Variants in TCERG1L observed in about 807,000 individuals in gnomAD.
TCERG1L encodes the protein transcription elongation regulator 1-like protein.
A neutral mutation model predicts 56.3 loss-of-function variants in TCERG1L; 37 were observed. The observed-to-expected ratio is 0.66, with a 90% CI of 0.51 to 0.87. The LOEUF (loss-of-function observed/expected upper bound fraction) is 0.87. Among genes scored for constraint, TCERG1L ranks in the 40% least tolerant of loss-of-function variants. The pLI is 0.00. For missense variants in TCERG1L, 799 were observed against 774.2 expected, an observed-to-expected ratio of 1.03 and a Z score of -0.38; for synonymous variants, 324 against 326.3, an observed-to-expected ratio of 0.99 and a Z score of 0.08.
In TCERG1L at chr10:131,114,258, T is replaced by C. The variant is rs922113277; in HGVS notation, c.1395+2541A>G. Among the ~76,000 whole-genome samples the C allele has an allele frequency of 3.5e-5, 5 of 142,612 alleles. 1 individual carries two copies. Among genetic ancestry groups the C allele is most frequent in the African/African-American group, 1.2e-4 (5 of 40,396 alleles). The allele number at this position is 142,612 out of a possible 152,430, so 93.6% of individuals were successfully genotyped here. ...AAAAAGTGACCTTTCTATACCTCAT[T>C]GTTAAGCAGCTAGAAACCTTATGGG... On this transcript the variant is annotated intron_variant, in intron 9 of 11. Transcript: ENST00000368642.
At chr10:131,117,757 T>A (rs548490756) in intron 8 of TCERG1L, among the ~76,000 whole-genome samples, 1 of 152,348 alleles carries the variant, frequency 6.6e-6, no homozygotes, top group African/African-American at 2.4e-5. Flanking sequence ...GAGGCCTGCC[T>A]TTTTCAAGTA....
chr10:131,231,405 G>A (rs77732835), intron 4 of TCERG1L, among the ~76,000 whole-genome samples: 2,677 of 152,294 alleles, frequency 0.018, 77 homozygotes, highest in African/African-American at 0.058. Flanking sequence ...CTCCAGAGGC[G>A]AAGGTCGCCA....
chr10:131,123,006 C>G (rs981201588), intron 8 of TCERG1L, among the ~76,000 whole-genome samples: 1 of 152,198 alleles, frequency 6.6e-6, no homozygotes, highest in African/African-American at 2.4e-5. Flanking sequence ...TGGCAACCTG[C>G]CTCGTTTCTC....
intron 8 of TCERG1L, among the ~76,000 whole-genome samples, chr10:131,132,537 C>A (rs1209321767): frequency 2.0e-5 from 3 of 152,254 alleles, no homozygotes; most frequent in Non-Finnish European, 4.4e-5. Flanking sequence ...GCCTCCCACA[C>A]AAGTTCAAAA....
Position 131,127,381 on chromosome 10 carries a change from T to C in TCERG1L, c.1259+6998A>G, listed in dbSNP as rs1417497250. 2.0e-5 allele frequency among the ~76,000 whole-genome samples: 3 copies of C among 152,166 alleles called. No homozygotes were observed. In the East Asian group the frequency reaches 5.8e-4, roughly 29 times the overall value. ...GCCCGTGACCCTGTCATGAGCAGCATTCCCAGGCCAGGAGGCAGCCCCCGG... is the reference window on the plus strand; with the variant it reads ...GCCCGTGACCCTGTCATGAGCAGCACTCCCAGGCCAGGAGGCAGCCCCCGG... On this transcript the variant is annotated intron_variant, in intron 8 of 11. Coordinates refer to ENST00000368642, the MANE Select transcript of TCERG1L (RefSeq NM_174937.4).
At chr10:131,122,834 C>T (rs1158793205) in intron 8 of TCERG1L, among the ~76,000 whole-genome samples, 1 of 152,146 alleles carries the variant, frequency 6.6e-6, no homozygotes, top group African/African-American at 2.4e-5. Flanking sequence ...GGGCTGAGCC[C>T]TTCCCCTGTG....
chr10:131,282,586 G>A (rs1846472948), intron 3 of TCERG1L, among the ~76,000 whole-genome samples: 2 of 152,284 alleles, frequency 1.3e-5, no homozygotes, highest in African/African-American at 2.4e-5. Flanking sequence ...ATAAATGACT[G>A]TAAAAACCTG....
chr10:131,101,706 C>CT (rs57894337), intron 10 of TCERG1L, among the ~76,000 whole-genome samples: 55 of 148,196 alleles, frequency 3.7e-4, no homozygotes, highest in East Asian at 8.0e-4. Context: ...AGCTGATTTT[C>CT]TTTTTTTTTT....
chr10:131,125,894 A>G (rs973832773), intron 8 of TCERG1L, among the ~76,000 whole-genome samples: 1 of 152,208 alleles, frequency 6.6e-6, no homozygotes, highest in Non-Finnish European at 1.5e-5. Flanking sequence ...CAGAGATGAC[A>G]CTGCCCAGTG....
At chr10:131,218,166 C>G (rs1188308239) in intron 4 of TCERG1L, among the ~76,000 whole-genome samples, 1 of 152,198 alleles carries the variant, frequency 6.6e-6, no homozygotes, top group Non-Finnish European at 1.5e-5. Flanking sequence ...TACTGCGTTT[C>G]CTGGTGCGTG....
chr10:131,186,010 G>A (rs1473086451), intron 4 of TCERG1L, among the ~76,000 whole-genome samples: 1 of 152,226 alleles, frequency 6.6e-6, no homozygotes, highest in Non-Finnish European at 1.5e-5. Flanking sequence ...TCCAAGCGAC[G>A]GAACATTATC....
At chr10:131,193,893 G>GCC (rs1255327312) in intron 4 of TCERG1L, among the ~76,000 whole-genome samples, 1 of 152,142 alleles carries the variant, frequency 6.6e-6, no homozygotes, top group African/African-American at 2.4e-5. Context: ...TATGAGTCTT[G>GCC]CTGGAAAGCA....
chr10:131,186,341 T>C (rs890444107), intron 4 of TCERG1L, among the ~76,000 whole-genome samples: 1 of 152,134 alleles, frequency 6.6e-6, no homozygotes, highest in Non-Finnish European at 1.5e-5. Context: ...CTCACTTGAA[T>C]ATAGTTAACC....
chr10:131,300,851 A>G (rs1846754529), intron 3 of TCERG1L, among the ~76,000 whole-genome samples: 1 of 150,896 alleles, frequency 6.6e-6, no homozygotes, highest in Non-Finnish European at 1.5e-5. Context: ...GAATGGGCAC[A>G]CCCCTTCTTA....
In TCERG1L at chr10:131,118,429, ACTT is replaced by A. The variant is rs1175782585; in HGVS notation, c.1260-1498_1260-1496del. ...CCACAGTCTCCCCAAGCTCCACTGAACTTCTCAGTAGGCCTAGGATTCTGAACT... is the reference window on the plus strand; with the variant it reads ...CCACAGTCTCCCCAAGCTCCACTGAACTCAGTAGGCCTAGGATTCTGAACT... On this transcript the variant is annotated intron_variant, in intron 8 of 11. Transcript: ENST00000368642. This position sits in a 1 kb window ranked among gnomAD's most constrained non-coding sequence, Gnocchi z 4.2. 1.3e-5 allele frequency among the ~76,000 whole-genome samples: 2 copies of A among 152,038 alleles called. No homozygotes were observed. Among genetic ancestry groups the A allele is most frequent in the Non-Finnish European group, 2.9e-5 (2 of 67,990 alleles).
intron 4 of TCERG1L, among the ~76,000 whole-genome samples, chr10:131,246,212 G>A (rs940694562): frequency 2.6e-5 from 4 of 152,212 alleles, no homozygotes; most frequent in African/African-American, 2.4e-5. Flanking sequence ...TGGCAGAGGG[G>A]TGGCTGCACT....
chr10:131,173,861 G>A (rs1010720144), intron 4 of TCERG1L, among the ~76,000 whole-genome samples: 1 of 152,202 alleles, frequency 6.6e-6, no homozygotes, highest in Non-Finnish European at 1.5e-5. Context: ...GCCAAATCCC[G>A]CTGGTGAGGA....
At chr10:131,283,637 G>C (rs2133565042) in intron 3 of TCERG1L, among the ~76,000 whole-genome samples, 1 of 152,136 alleles carries the variant, frequency 6.6e-6, no homozygotes, top group Middle Eastern at 3.4e-3. Context: ...GAGGAGCAAG[G>C]ACCTAGACAT....
rs573187068 is a variant in TCERG1L at position 131,146,526 on chromosome 10, C to T, written c.1169G>A (p.Arg390His). Residue 390 changes from arginine (R) to histidine (H), a missense_variant, in exon 7 of 12, where the codon CGC becomes CAC. Transcript: ENST00000368642. ...NRIIEDPPHK[R>H]KLEAPATDNS... is the part of the protein sequence containing the mutation. The stretch of plus-strand genomic sequence containing the variant: ...GTTACTTGCTGGTGCCTCCAGCTTG[C>T]GTTTGTGGGGCGGGTCCTCAATGAT... 1.9e-5 allele frequency: 30 copies of T among 1,610,908 alleles called. No individual in the cohort carries two copies. Among genetic ancestry groups the T allele is most frequent in the East Asian group, 1.3e-4 (6 of 44,808 alleles).
Sources: allele counts gnomAD v4.1 joint callset (sites outside exome capture counted in the v4.1 genomes callset), GRCh38; gene constraint gnomAD v4.1.1; non-coding constraint Gnocchi (gnomAD v3.1); transcripts MANE v1.5; gene names NCBI Gene and HGNC (gene_info 2026-07-23, HGNC 2026-07-21).